Variants in LYPLAL1 observed in about 807,000 individuals in gnomAD.
The protein encoded by LYPLAL1 is lysophospholipase-like protein 1.
A neutral mutation model predicts 19.7 loss-of-function variants in LYPLAL1; 23 were observed. That is an observed-to-expected ratio of 1.17 (90% CI 0.84 to 1.65). LYPLAL1 has a LOEUF of 1.65. Ranked by LOEUF, LYPLAL1 falls within the 40% of genes most tolerant of loss-of-function variation. The pLI is 0.00. For synonymous variants in LYPLAL1, 119 were observed against 96.3 expected, an observed-to-expected ratio of 1.24 and a Z score of -1.38; for missense variants, 355 against 279.4, an observed-to-expected ratio of 1.27 and a Z score of -1.93.
the LYPLAL1 span, among the ~76,000 whole-genome samples, chr1:219,300,069 C>G: frequency 2.0e-5 from 3 of 152,260 alleles, no homozygotes; most frequent in South Asian, 6.2e-4. Context: ...CCCATAGTCT[C>G]CTGGGCTCAG....
chr1:219,400,796 G>C, the LYPLAL1 span, among the ~76,000 whole-genome samples: 4 of 152,174 alleles, frequency 2.6e-5, no homozygotes, highest in South Asian at 8.3e-4. Flanking sequence ...CACTGCACCC[G>C]GCCTGTCTAT....
At chr1:219,243,609 T>G in the LYPLAL1 span, among the ~76,000 whole-genome samples, 1 of 151,916 alleles carries the variant, frequency 6.6e-6, no homozygotes, top group Non-Finnish European at 1.5e-5. Context: ...CAGCTACACA[T>G]AGCTGTTTTA....
At chr1:219,306,053 T>G in the LYPLAL1 span, among the ~76,000 whole-genome samples, 1 of 152,200 alleles carries the variant, frequency 6.6e-6, no homozygotes, top group African/African-American at 2.4e-5. Context: ...TAGCGTTTTC[T>G]AACAGACAAT....
the LYPLAL1 span, among the ~76,000 whole-genome samples, chr1:219,300,566 G>A: frequency 4.3e-5 from 5 of 117,392 alleles, no homozygotes; most frequent in South Asian, 2.9e-4. Flanking sequence ...ATGGAGTCTC[G>A]CTCTGTCGCC....
chr1:219,216,023 T>C (rs1362478773), downstream of LYPLAL1, among the ~76,000 whole-genome samples: 1 of 152,148 alleles, frequency 6.6e-6, no homozygotes, highest in Non-Finnish European at 1.5e-5. Context: ...AATTTCCATA[T>C]GGTGTCATTT....
chr1:219,389,632 T>G, the LYPLAL1 span, among the ~76,000 whole-genome samples: 1 of 152,128 alleles, frequency 6.6e-6, no homozygotes, highest in Non-Finnish European at 1.5e-5. Flanking sequence ...ATGTTTTGGG[T>G]TGTCATGTCC....
At chr1:219,395,870 G>A in the LYPLAL1 span, among the ~76,000 whole-genome samples, 15 of 152,186 alleles carry the variant, frequency 9.9e-5, no homozygotes, top group African/African-American at 2.2e-4. Flanking sequence ...TTGGGAGGCC[G>A]AGGCAGGCGG....
At chr1:219,318,887 G>A in the LYPLAL1 span, among the ~76,000 whole-genome samples, 6 of 152,180 alleles carry the variant, frequency 3.9e-5, no homozygotes, top group African/African-American at 1.4e-4. Context: ...GCTTGTCCAA[G>A]GAACTTACTC....
At chr1:219,287,465 G>T in the LYPLAL1 span, among the ~76,000 whole-genome samples, 1 of 152,136 alleles carries the variant, frequency 6.6e-6, no homozygotes, top group African/African-American at 2.4e-5. Context: ...TCAGGGATAT[G>T]CAAATTGAAA....
the LYPLAL1 span, among the ~76,000 whole-genome samples, chr1:219,414,789 A>G: frequency 2.0e-5 from 3 of 152,182 alleles, no homozygotes; most frequent in African/African-American, 4.8e-5. Flanking sequence ...TCCAGATTCC[A>G]TCTTTATTCC....
At chr1:219,295,685 G>C in the LYPLAL1 span, among the ~76,000 whole-genome samples, 19 of 152,192 alleles carry the variant, frequency 1.2e-4, no homozygotes, top group African/African-American at 4.1e-4. Flanking sequence ...CTTTCTACTA[G>C]TTTATTTGCC....
At chr1:219,218,808 A>C in the LYPLAL1 span, among the ~76,000 whole-genome samples, 32 of 152,274 alleles carry the variant, frequency 2.1e-4, no homozygotes, top group African/African-American at 7.5e-4. Context: ...TTCATGTAGC[A>C]TTGAATTAAG....
At chr1:219,247,603 A>C in the LYPLAL1 span, among the ~76,000 whole-genome samples, 1 of 152,340 alleles carries the variant, frequency 6.6e-6, no homozygotes, top group South Asian at 2.1e-4. Flanking sequence ...CTGCTTCTCC[A>C]GCTTTGCATG....
chr1:219,247,949 A>T, the LYPLAL1 span, among the ~76,000 whole-genome samples: 1 of 152,124 alleles, frequency 6.6e-6, no homozygotes, highest in African/African-American at 2.4e-5. Context: ...AACTTTAGGG[A>T]TTTTTTTAAT....
the LYPLAL1 span, among the ~76,000 whole-genome samples, chr1:219,346,278 G>A: frequency 4.6e-5 from 7 of 152,176 alleles, no homozygotes; most frequent in East Asian, 1.4e-3. Context: ...GAAAGGGTAA[G>A]GAAGGAAAGG....
intron 1 of LYPLAL1, among the ~76,000 whole-genome samples, chr1:219,177,102 T>C (rs565754369): frequency 1.0e-3 from 159 of 152,268 alleles, no homozygotes; most frequent in African/African-American, 3.8e-3. Context: ...TGACAGAAGA[T>C]GAAACTTCAC....
At chr1:219,223,563 C>A in the LYPLAL1 span, among the ~76,000 whole-genome samples, 2 of 152,080 alleles carry the variant, frequency 1.3e-5, no homozygotes, top group East Asian at 3.9e-4. Flanking sequence ...TATTATTAGG[C>A]CTTTAGTTTT....
chr1:219,304,559 A>G, the LYPLAL1 span, among the ~76,000 whole-genome samples: 2 of 152,238 alleles, frequency 1.3e-5, no homozygotes, highest in African/African-American at 2.4e-5. Context: ...TTTGGGTGGG[A>G]TTCAGAAGAG....
the LYPLAL1 span, among the ~76,000 whole-genome samples, chr1:219,261,275 T>G: frequency 6.6e-6 from 1 of 152,200 alleles, no homozygotes; most frequent in Non-Finnish European, 1.5e-5. Flanking sequence ...CTTTAAAATC[T>G]AAATCTCTCA....
Sources: gnomAD v4.1 joint callset for allele counts (sites outside exome capture counted in the v4.1 genomes callset) on GRCh38, gnomAD v4.1.1 for gene constraint, MANE v1.5 for transcripts, NCBI Gene and HGNC (gene_info 2026-07-23, HGNC 2026-07-21) for gene names.